MOB3A: variants seen among roughly 807,000 people sequenced by gnomAD.
The protein encoded by MOB3A is MOB LAK.
A neutral mutation model predicts 17.8 loss-of-function variants in MOB3A; 17 were observed. The observed-to-expected ratio is 0.95, with a 90% CI of 0.65 to 1.43. The LOEUF is 1.43. Ranked by LOEUF, MOB3A falls within the 40% of genes most tolerant of loss-of-function variation. MOB3A has a pLI of 0.00. For missense variants in MOB3A, 333 were observed against 310.8 expected (o/e 1.07, Z -0.54); for synonymous variants, 124 against 133.2 (o/e 0.93, Z 0.48).
intron 1 of MOB3A, among the ~76,000 whole-genome samples, chr19:2,095,553 G>C (rs2017673956): frequency 6.6e-6 from 1 of 152,174 alleles, no homozygotes; most frequent in Admixed American, 6.5e-5. Context: ...GGTCCTGCGG[G>C]AGGGCAGCGG....
chr19:2,089,770 AT>A (rs1246378251), intron 1 of MOB3A, among the ~76,000 whole-genome samples: 6 of 150,882 alleles, frequency 4.0e-5, no homozygotes, highest in South Asian at 4.2e-4. Flanking sequence ...AGCAGACTTG[AT>A]TTTTTTTTCC....
chr19:2,077,081 G>C (rs1390625754), intron 3 of MOB3A, 68 bp from the exon 4 acceptor site: 11 of 1,407,990 alleles, frequency 7.8e-6, no homozygotes, highest in South Asian at 1.2e-5. Flanking sequence ...CTTTGCTCCT[G>C]GATGTGACAA....
Position 2,078,250 on chromosome 19 carries a change from T to A in MOB3A, c.311A>T (p.Glu104Val). 6.2e-7 allele frequency: 1 copy of A among 1,614,008 alleles called. No individual in the cohort carries two copies. The highest frequency in any genetic ancestry group is 8.5e-7 in the Non-Finnish European group (1 of 1,179,938). Residue 104 changes from glutamate to valine, a missense_variant, in exon 3 of 5, where the codon GAG becomes GTG. Physicochemically the swap from Glu to Val is moderately radical, Grantham distance 121 (BLOSUM62 -2). Coordinates refer to ENST00000357066, the MANE Select transcript of MOB3A (RefSeq NM_130807.3). ...GPKYEYRWQDEHKFRKPTALS... is the reference protein window; with the variant it reads ...GPKYEYRWQDVHKFRKPTALS... ...TGCCGTGGGCTTCCGGAACTTATGC[T>A]CATCCTGCCAGCGGTACTCATACTT...
At chr19:2,085,578 CAT>C (rs2017543397) in intron 1 of MOB3A, 1 of 152,104 alleles carries the variant, frequency 6.6e-6, no homozygotes, top group South Asian at 2.1e-4. Flanking sequence ...AAGTCAGTTC[CAT>C]ATGTTCTAGG....
chr19:2,090,409 C>T (rs948539634), intron 1 of MOB3A, among the ~76,000 whole-genome samples: 1 of 152,184 alleles, frequency 6.6e-6, no homozygotes, highest in Non-Finnish European at 1.5e-5. Flanking sequence ...GGTGAAGATT[C>T]TGCCCCTCAA....
At chr19:2,081,456 CGG>C (rs1568253820) in intron 2 of MOB3A, among the ~76,000 whole-genome samples, 1 of 151,956 alleles carries the variant, frequency 6.6e-6, no homozygotes, top group Non-Finnish European at 1.5e-5. Flanking sequence ...GACATGGTGG[CGG>C]GCGCCTGTAA....
chr19:2,095,609 T>TC (rs1349037288), intron 1 of MOB3A, among the ~76,000 whole-genome samples: 1 of 152,094 alleles, frequency 6.6e-6, no homozygotes, highest in Non-Finnish European at 1.5e-5. Flanking sequence ...GCACCCTGTA[T>TC]CCCCCTCCGG....
intron 1 of MOB3A, among the ~76,000 whole-genome samples, chr19:2,088,181 C>A (rs1390035206): frequency 6.6e-6 from 1 of 152,220 alleles, no homozygotes; most frequent in Non-Finnish European, 1.5e-5. Flanking sequence ...GGATGCTGCC[C>A]AGTGCCCTGC....
chr19:2,078,294 G>A lies in MOB3A; in HGVS notation c.267C>T (p.Pro89=), dbSNP rs370534794. 80 of 1,614,000 alleles carry A rather than the reference G, an allele frequency of 5.0e-5. No homozygotes were observed. The highest frequency in any genetic ancestry group is 6.4e-5 in the Non-Finnish European group (75 of 1,180,014). The stretch of plus-strand genomic sequence containing the variant: ...CATACTTGGGGCCCCCCGACATGAC[G>A]GGGCAGGACTGCTCCGTGCAGCCGT... The part of the protein sequence containing the change: ...ISDGCTEQSC[P]VMSGGPKYEY... The change falls in exon 3 of 5, where the codon CCC becomes CCT. Residue 89 remains proline (P), a synonymous_variant. Transcript: ENST00000357066.
chr19:2,079,434 ACAGT>A (rs2017458607), intron 2 of MOB3A, among the ~76,000 whole-genome samples: 1 of 152,248 alleles, frequency 6.6e-6, no homozygotes, highest in African/African-American at 2.4e-5. Context: ...GGGTGGCCCC[ACAGT>A]CAGTGACAAA....
chr19:2,074,627 AC>A (rs1426998158), intron 4 of MOB3A, among the ~76,000 whole-genome samples: 1 of 151,430 alleles, frequency 6.6e-6, no homozygotes, highest in East Asian at 1.9e-4. Context: ...ATCTTGGCTC[AC>A]TGCAACCTCC....
rs914035377 is a variant in MOB3A, at chr19:2,082,771, C to T, written c.-120+2404G>A. Among the ~76,000 whole-genome samples the T allele has an allele frequency of 1.3e-5, 2 of 152,104 alleles. No individual in the cohort carries two copies. The highest frequency in any genetic ancestry group is 4.8e-5 in the African/African-American group (2 of 41,410). ...GCTGACCCATCTTGGTTTTGCTCGG[C>T]GGGGCACAACCCCAGGGTCACCACA... On this transcript the variant is annotated intron_variant, in intron 2 of 4. Transcript: ENST00000357066. The surrounding 1 kb of genome is among the most constrained non-coding windows in gnomAD (Gnocchi z 4.1).
chr19:2,091,100 C>T (rs773720222), intron 1 of MOB3A, among the ~76,000 whole-genome samples: 5 of 152,240 alleles, frequency 3.3e-5, no homozygotes, highest in Admixed American at 6.5e-5. Flanking sequence ...AAACTGACCC[C>T]TGCAGTAAGT....
At chr19:2,081,467 A>G (rs188613008) in intron 2 of MOB3A, among the ~76,000 whole-genome samples, 16 of 152,268 alleles carry the variant, frequency 1.1e-4, no homozygotes, top group Admixed American at 8.5e-4. Context: ...GGGCGCCTGT[A>G]ATCCCAGCTA....
intron 1 of MOB3A, among the ~76,000 whole-genome samples, chr19:2,086,269 A>T (rs1048843936): frequency 2.0e-5 from 3 of 151,934 alleles, no homozygotes; most frequent in Non-Finnish European, 4.4e-5. Context: ...CGAACTCCTG[A>T]CCTCAAGTGA....
chr19:2,088,089 G>A (rs1159912498), intron 1 of MOB3A, among the ~76,000 whole-genome samples: 1 of 152,188 alleles, frequency 6.6e-6, no homozygotes, highest in Non-Finnish European at 1.5e-5. Flanking sequence ...GCACCCCGGG[G>A]ACTCATACTG....
At chr19:2,085,438 C>A (rs183253446) in intron 1 of MOB3A, 110 bp from the exon 2 acceptor site, 1 of 151,840 alleles carries the variant, frequency 6.6e-6, no homozygotes, top group Non-Finnish European at 1.5e-5. Context: ...GACCCCTCCC[C>A]CACCGAGGTG....
intron 1 of MOB3A, among the ~76,000 whole-genome samples, chr19:2,087,016 T>C (rs2017561749): frequency 6.6e-6 from 1 of 151,854 alleles, no homozygotes. Context: ...GTCTTGAGCT[T>C]CTGGAGTCAA....
At chr19:2,095,687 C>T (rs185059158) in intron 1 of MOB3A, among the ~76,000 whole-genome samples, 18 of 152,140 alleles carry the variant, frequency 1.2e-4, no homozygotes, top group African/African-American at 4.3e-4. Context: ...CGCCTAAGTT[C>T]ACCCCTCCTG....
Sources: gnomAD v4.1 joint callset for allele counts (sites outside exome capture counted in the v4.1 genomes callset) on GRCh38, gnomAD v4.1.1 for gene constraint, Gnocchi (gnomAD v3.1) non-coding constraint, MANE v1.5 for transcripts, NCBI Gene and HGNC (gene_info 2026-07-23, HGNC 2026-07-21) for gene names.